The following SCARA5 variants were observed in gnomAD, a reference collection of about 807,000 sequenced individuals.
SCARA5 encodes scavenger receptor class A member 5, also known as scavenger receptor class A, member 5 (putative).
A neutral mutation model predicts 46.3 loss-of-function variants in SCARA5; 45 were observed. The ratio of observed to expected loss-of-function variants is 0.97; its 90% CI spans 0.76 to 1.24. SCARA5 has a LOEUF of 1.24. Among genes scored for constraint, SCARA5 ranks in the 50% most tolerant of loss-of-function variants. The pLI, the probability that SCARA5 is intolerant of heterozygous loss-of-function variation, is 0.00. For missense variants in SCARA5, 680 were observed against 689.0 expected (o/e 0.99, Z 0.15); for synonymous variants, 333 against 306.5 (o/e 1.09, Z -0.90).
chr8:27,965,244 T>A (rs1808351144), intron 3 of SCARA5, among the ~76,000 whole-genome samples: 1 of 152,154 alleles, frequency 6.6e-6, no homozygotes, highest in African/African-American at 2.4e-5. Context: ...GGAAAGTGAA[T>A]CAAGACCGGG....
intron 2 of SCARA5, among the ~76,000 whole-genome samples, chr8:27,982,140 C>T (rs1358992578): frequency 6.6e-6 from 1 of 152,202 alleles, no homozygotes; most frequent in Admixed American, 6.5e-5. Context: ...CCCCCAGGTC[C>T]TATTTGCGGC....
chr8:27,907,574 T>TG, intron 5 of SCARA5, among the ~76,000 whole-genome samples: 1 of 29,484 alleles, frequency 3.4e-5, no homozygotes, highest in African/African-American at 7.7e-5. Flanking sequence ...AGCAAACACT[T>TG]TTTTTTTTTT....
At chr8:27,991,799 C>T (rs1418369281) in intron 1 of SCARA5, among the ~76,000 whole-genome samples, 1 of 152,108 alleles carries the variant, frequency 6.6e-6, no homozygotes, top group Non-Finnish European at 1.5e-5. Context: ...GAAATAACCT[C>T]TCCCCACATA....
Position 27,904,821 on chromosome 8 carries a change from T to C in SCARA5, c.1110A>G (p.Pro370=), listed in dbSNP as rs1019860129. 6.2e-7 allele frequency: 1 copy of C among 1,611,116 alleles called. No individual in the cohort carries two copies. Among genetic ancestry groups the C allele is most frequent in the Non-Finnish European group, 8.5e-7 (1 of 1,178,422 alleles). ...CTCCTTTCTCTCCTTTCTCTCCTTT[T>C]GGGCCTCGGTCACCTAAAACAGAGG... ...GMRGFKGDRG[P]KGEKGEKGDR... The change falls in exon 7 of 9, where the codon CCA becomes CCG. Residue 370 remains proline, a synonymous_variant. Transcript: ENST00000354914.
intron 3 of SCARA5, among the ~76,000 whole-genome samples, chr8:27,924,455 A>T (rs2129823407): frequency 6.6e-6 from 1 of 152,288 alleles, no homozygotes; most frequent in Middle Eastern, 3.4e-3. Flanking sequence ...CCTGGAGGAG[A>T]TAAGTCATTC....
chr8:27,982,752 G>C (rs1330040510), intron 2 of SCARA5, among the ~76,000 whole-genome samples: 1 of 152,202 alleles, frequency 6.6e-6, no homozygotes, highest in African/African-American at 2.4e-5. Context: ...AGGATGCAGG[G>C]ACAGGACGAG....
chr8:27,985,605 C>T (rs902971241), intron 2 of SCARA5, among the ~76,000 whole-genome samples: 5 of 152,222 alleles, frequency 3.3e-5, no homozygotes, highest in Non-Finnish European at 7.3e-5. Context: ...TAACCCCCTG[C>T]ATCCCCATTT....
chr8:27,952,187 G>A (rs1302151723), intron 3 of SCARA5, among the ~76,000 whole-genome samples: 1 of 152,106 alleles, frequency 6.6e-6, no homozygotes, highest in African/African-American at 2.4e-5. Flanking sequence ...ACAAAGGGGT[G>A]GCTGGCACCC....
chr8:27,983,558 C>T (rs1338527331), intron 2 of SCARA5, among the ~76,000 whole-genome samples: 1 of 152,222 alleles, frequency 6.6e-6, no homozygotes, highest in Non-Finnish European at 1.5e-5. Context: ...TCCAGCTCCA[C>T]CACTGATGAC....
At chr8:27,942,570 C>T (rs1023453103) in intron 3 of SCARA5, among the ~76,000 whole-genome samples, 1 of 152,140 alleles carries the variant, frequency 6.6e-6, no homozygotes, top group Non-Finnish European at 1.5e-5. Context: ...TCCGATGCCC[C>T]GGCCTCTGGG....
chr8:27,978,854 C>T (rs1808567436), intron 2 of SCARA5, among the ~76,000 whole-genome samples: 1 of 152,050 alleles, frequency 6.6e-6, no homozygotes, highest in East Asian at 1.9e-4. Flanking sequence ...CTCTGGGGTG[C>T]CCCAGCCTCC....
chr8:27,917,681 T>C (rs1807484074), intron 4 of SCARA5, among the ~76,000 whole-genome samples: 1 of 152,212 alleles, frequency 6.6e-6, no homozygotes, highest in Non-Finnish European at 1.5e-5. Flanking sequence ...TTTTGCAGGA[T>C]GTGAGGATTC....
chr8:27,909,249 G>T (rs1807325662), intron 5 of SCARA5, among the ~76,000 whole-genome samples: 1 of 152,172 alleles, frequency 6.6e-6, no homozygotes, highest in South Asian at 2.1e-4. Context: ...CGTAGACCTG[G>T]GCAGGGTCAG....
At chr8:27,893,038 C>T (rs1277270892) in intron 7 of SCARA5, among the ~76,000 whole-genome samples, 3 of 152,126 alleles carry the variant, frequency 2.0e-5, no homozygotes, top group Non-Finnish European at 4.4e-5. Flanking sequence ...CTCCCAGCAG[C>T]GTGTGGGTCA....
chr8:27,878,131 C>G (rs1774267219), intron 8 of SCARA5, among the ~76,000 whole-genome samples: 1 of 152,320 alleles, frequency 6.6e-6, no homozygotes, highest in African/African-American at 2.4e-5. Context: ...GGCTGCCATC[C>G]ACAGGTCACC....
chr8:27,921,445 G>GGAAT (rs754933260), intron 4 of SCARA5, 126 bp downstream of exon 4: 65 of 772,942 alleles, frequency 8.4e-5, no homozygotes, highest in Non-Finnish European at 1.2e-4. Context: ...TATGGGGCTG[G>GGAAT]GAATGGCAAG....
chr8:27,968,935 A>G (rs1808408997), intron 2 of SCARA5, among the ~76,000 whole-genome samples: 1 of 152,236 alleles, frequency 6.6e-6, no homozygotes, highest in Non-Finnish European at 1.5e-5. Context: ...AACACGCAGA[A>G]CACAGACCTT....
At chr8:27,879,897 A>G in intron 7 of SCARA5, 131 bp from the exon 8 acceptor site, 1 of 820,706 alleles carries the variant, frequency 1.2e-6, no homozygotes, top group South Asian at 1.7e-5. Flanking sequence ...TCAAGACTTC[A>G]GCCCCCAAAT....
At chr8:27,901,548 C>T (rs974260527) in intron 7 of SCARA5, among the ~76,000 whole-genome samples, 7 of 152,278 alleles carry the variant, frequency 4.6e-5, no homozygotes, top group East Asian at 1.9e-4. Flanking sequence ...GGCTCTCCCC[C>T]ACAGAGCCCG....
Sources: gnomAD v4.1 joint callset for allele counts (sites outside exome capture counted in the v4.1 genomes callset) on GRCh38, gnomAD v4.1.1 for gene constraint, MANE v1.5 for transcripts, NCBI Gene and HGNC (gene_info 2026-07-23, HGNC 2026-07-21) for gene names.